The following EXD3 variants were observed in gnomAD, a reference collection of about 807,000 sequenced individuals.
EXD3 encodes exonuclease mut-7 homolog.
A neutral mutation model predicts 98.0 loss-of-function variants in EXD3; 92 were observed. The ratio of observed to expected loss-of-function variants is 0.94; its 90% confidence interval spans 0.79 to 1.12. EXD3 has a LOEUF of 1.12. Ranked by LOEUF, EXD3 falls within the 50% of genes most tolerant of loss-of-function variation. The pLI is 0.00. For synonymous variants in EXD3, 569 were observed against 526.0 expected (o/e 1.08, Z -1.12); for missense variants, 1,222 against 1,191.6 (o/e 1.03, Z -0.38).
In EXD3 at chr9:137,352,724, A is replaced by G; in HGVS notation, c.933T>C (p.Ser311=). Reference sequence around the variant, plus strand: ...CACACTGGGCGGCCGTGACTGGGTCACTGTGGGAGACCAGCAGCTGAGACA... The same window carrying G: ...CACACTGGGCGGCCGTGACTGGGTCGCTGTGGGAGACCAGCAGCTGAGACA... ...EQLSQLLVSH[S]DPVTAAQCAM... The change falls in exon 11 of 22, where the codon AGT becomes AGC. Residue 311 remains serine (S), a synonymous_variant. Transcript: ENST00000340951. 1.3e-6 allele frequency: 2 copies of G among 1,573,046 alleles called. No homozygotes were observed. Among genetic ancestry groups the G allele is most frequent in the Non-Finnish European group, 1.7e-6 (2 of 1,160,942 alleles).
At chr9:137,376,188 C>G (rs1835889162) in intron 3 of EXD3, among the ~76,000 whole-genome samples, 1 of 151,388 alleles carries the variant, frequency 6.6e-6, no homozygotes, top group African/African-American at 2.4e-5. Flanking sequence ...ACTAAAAATA[C>G]AAAAAATTAG....
chr9:137,345,810 T>C (rs975730314), intron 17 of EXD3: 1 of 152,104 alleles, frequency 6.6e-6, no homozygotes, highest in Non-Finnish European at 1.5e-5. Flanking sequence ...ACTGCACCTG[T>C]GAGTAAGGTG....
intron 17 of EXD3, among the ~76,000 whole-genome samples, chr9:137,328,639 G>T (rs927114110): frequency 1.2e-5 from 1 of 86,176 alleles, no homozygotes; most frequent in Non-Finnish European, 2.2e-5. Context: ...GGACTACACG[G>T]GGCTACACGG....
Position 137,307,099 on chromosome 9 carries a change from A to T in EXD3, c.2482T>A (p.Cys828Ser), listed in dbSNP as rs1270990267. 3.1e-6 allele frequency: 5 copies of T among 1,609,530 alleles called. No individual in the cohort carries two copies. The highest frequency in any genetic ancestry group is 4.2e-6 in the Non-Finnish European group (5 of 1,178,664). ...CCACAGCCCGTGCAGCAGTAGAAGC[A>T]CCGCAGCCCAGGTGTCCTCAGCACA... ...VGVLRTPGLR[C>S]FYCCTGCGKV... Residue 828 changes from cysteine (C) to serine (S), a missense_variant, in exon 22 of 22, where the codon TGC (cysteine) becomes AGC (serine). By Grantham distance (112) the Cys-to-Ser change is moderately radical. Coordinates refer to ENST00000340951, the MANE Select transcript of EXD3 (RefSeq NM_017820.5).
In EXD3 at chr9:137,371,286, A is replaced by C. The variant is rs1835584032; in HGVS notation, c.462+1619T>G. Reference sequence around the variant, plus strand: ...ACATGAGGGGGACCCTCCATCCTGCATTGTCCTGTGCCGGGACATGGTGGC... The same window carrying C: ...ACATGAGGGGGACCCTCCATCCTGCCTTGTCCTGTGCCGGGACATGGTGGC... On this transcript the variant is annotated intron_variant, in intron 5 of 21. Coordinates refer to ENST00000340951, the MANE Select transcript of EXD3 (RefSeq NM_017820.5). The surrounding 1 kb of genome is among the most constrained non-coding windows in gnomAD (Gnocchi z 8.0). 6.6e-6 allele frequency among the ~76,000 whole-genome samples: 1 copy of C among 152,140 alleles called. No individual in the cohort carries two copies. Among genetic ancestry groups the C allele is most frequent in the Admixed American group, 6.5e-5 (1 of 15,282 alleles).
At position 137,351,154 on chromosome 9, in the gene EXD3, G is replaced by A. The variant is rs1323044588; in HGVS notation, c.1385-7C>T. 4 of 1,566,462 alleles carry A rather than the reference G, an allele frequency of 2.6e-6. No individual in the cohort carries two copies. The highest frequency in any genetic ancestry group is 3.5e-6 in the Non-Finnish European group (4 of 1,156,562). On this transcript the variant is annotated splice_polypyrimidine_tract_variant and splice_region_variant and intron_variant, in intron 13 of 21. Coordinates refer to ENST00000340951, the MANE Select transcript of EXD3 (RefSeq NM_017820.5). ...TCCCCCACCATCCCGTAGCCTGTGGGCAGGAACCATCGTGGGAGGGGCGCC... is the reference window on the plus strand; with the variant it reads ...TCCCCCACCATCCCGTAGCCTGTGGACAGGAACCATCGTGGGAGGGGCGCC...
chr9:137,383,431 G>T (rs1033402603), intron 2 of EXD3, 54 bp from the exon 3 acceptor site: 1 of 1,353,502 alleles, frequency 7.4e-7, no homozygotes, highest in African/African-American at 1.5e-5. Flanking sequence ...AGGGGCTATC[G>T]CACAGCCCGC....
intron 7 of EXD3, among the ~76,000 whole-genome samples, chr9:137,364,960 G>T (rs966517996): frequency 6.6e-6 from 1 of 151,650 alleles, no homozygotes; most frequent in Admixed American, 6.6e-5. Context: ...AGTAGAAACG[G>T]GGTTTCACTG....
intron 17 of EXD3, among the ~76,000 whole-genome samples, chr9:137,336,164 G>C (rs1833343097): frequency 6.6e-6 from 1 of 152,028 alleles, no homozygotes; most frequent in South Asian, 2.1e-4. Flanking sequence ...GAGGAGTAAG[G>C]GATAAAAAGA....
rs117324284 is a variant in EXD3 at position 137,385,657 on chromosome 9, C to T, written c.56-2280G>A. Among the ~76,000 whole-genome samples, 1,654 of 152,220 alleles carry T rather than the reference C, an allele frequency of 0.011. 19 individuals carry two copies. The highest frequency in any genetic ancestry group is 0.024 in the Middle Eastern group (7 of 294). On this transcript the variant is annotated intron_variant, in intron 2 of 21. Coordinates refer to ENST00000340951, the MANE Select transcript of EXD3 (RefSeq NM_017820.5). This position sits in a 1 kb window ranked among gnomAD's most constrained non-coding sequence, Gnocchi z 4.4. ...TTCGTGATTCTCGTGCCTCAGCCTC[C>T]GGAGTAGCTGGGAGTACAGGCGCTC...
At chr9:137,353,352 C>A in intron 10 of EXD3, 4 of 985,396 alleles carry the variant, frequency 4.1e-6, no homozygotes, top group Non-Finnish European at 4.8e-6. Flanking sequence ...GTCCCAGGAG[C>A]CCGGGCATGT....
intron 19 of EXD3, among the ~76,000 whole-genome samples, chr9:137,314,307 C>G (rs533355699): frequency 3.3e-5 from 5 of 152,210 alleles, no homozygotes; most frequent in Non-Finnish European, 7.3e-5. Flanking sequence ...GCACTGTGAG[C>G]CTCTTCAGAG....
At chr9:137,353,797 C>G (rs980164347) in intron 10 of EXD3, 1 of 985,964 alleles carries the variant, frequency 1.0e-6, no homozygotes, top group African/African-American at 1.7e-5. Flanking sequence ...TGAGCTCCTG[C>G]ACGACCTCCC....
At chr9:137,366,072 TAC>T (rs1449657266) in intron 7 of EXD3, 3 of 682,782 alleles carry the variant, frequency 4.4e-6, no homozygotes, top group Admixed American at 4.1e-5. Context: ...CCTGAATCCA[TAC>T]AGGCACCATA....
rs1035307668 is a variant in EXD3, at chr9:137,324,301, G to A, written c.1999-158C>T. Reference sequence around the variant, plus strand: ...TCTGCCTGGGGTCTTGGGTGGTGAGGAGCCCTCTGCCGGGTCCTGGGTGTC... The same window carrying A: ...TCTGCCTGGGGTCTTGGGTGGTGAGAAGCCCTCTGCCGGGTCCTGGGTGTC... On this transcript the variant is annotated intron_variant, in intron 17 of 21. Transcript: ENST00000340951. The surrounding 1 kb of genome is among the most constrained non-coding windows in gnomAD (Gnocchi z 4.1). Among the ~76,000 whole-genome samples the A allele has an allele frequency of 1.3e-5, 2 of 152,148 alleles. No individual in the cohort carries two copies. The highest frequency in any genetic ancestry group is 4.8e-5 in the African/African-American group (2 of 41,430).
In EXD3 at chr9:137,367,786, G is replaced by A. The variant is rs570009678; in HGVS notation, c.516+150C>T. On this transcript the variant is annotated intron_variant, in intron 6 of 21. Transcript: ENST00000340951. ...GCCCATGAGGAGGATGGTGGTTTAG[G>A]GGGCTCTGGAGGCCCTCGCCGGCCC... 2.1e-5 allele frequency: 14 copies of A among 682,342 alleles called. No individual in the cohort carries two copies. In the African/African-American group the frequency reaches 2.3e-4, roughly 11 times the overall value. 42.3% of individuals were successfully genotyped at this position (682,342 alleles called of 1,614,324 possible). A position where few individuals can be genotyped will look rare whatever the true frequency, so the allele number is the denominator to read the frequency against.
intron 1 of EXD3, among the ~76,000 whole-genome samples, chr9:137,406,864 G>A (rs1033595575): frequency 6.6e-6 from 1 of 150,778 alleles, no homozygotes; most frequent in Non-Finnish European, 1.5e-5. Flanking sequence ...AGTGCAGCCC[G>A]TCCCCCCTCA....
intron 1 of EXD3, among the ~76,000 whole-genome samples, chr9:137,411,207 C>G (rs1434369687): frequency 6.6e-6 from 1 of 152,234 alleles, no homozygotes; most frequent in Admixed American, 6.5e-5. Context: ...GAATGGAGCG[C>G]AGGCGTGGGA....
intron 20 of EXD3, 67 bp downstream of exon 20, chr9:137,309,540 T>TCA: frequency 3.0e-6 from 4 of 1,355,630 alleles, no homozygotes; most frequent in Non-Finnish European, 4.1e-6. Context: ...CCCCTCTCCC[T>TCA]GGCTACCTCA....
Sources: gnomAD v4.1 joint callset for allele counts (sites outside exome capture counted in the v4.1 genomes callset) on GRCh38, gnomAD v4.1.1 for gene constraint, Gnocchi (gnomAD v3.1) non-coding constraint, MANE v1.5 for transcripts, NCBI Gene and HGNC (gene_info 2026-07-23, HGNC 2026-07-21) for gene names.